The following NR2E3 variants were observed in gnomAD, a reference collection of about 807,000 sequenced individuals.
NR2E3 encodes the protein nuclear receptor subfamily 2 group E member 3, also known as photoreceptor-specific nuclear receptor.
In NR2E3, 38 loss-of-function variants were observed where a neutral mutation model predicts 37.6. The observed-to-expected ratio is 1.01, with a 90% confidence interval of 0.78 to 1.33. The LOEUF (loss-of-function observed/expected upper bound fraction) is 1.33. Ranked by LOEUF, NR2E3 falls within the 40% of genes most tolerant of loss-of-function variation. The pLI is 0.00. For synonymous variants in NR2E3, 235 were observed against 225.1 expected (o/e 1.04, Z -0.39); for missense variants, 562 against 558.7 (o/e 1.01, Z -0.06).
Position 71,810,757 on chromosome 15 carries a change from C to T in NR2E3, c.14C>T (p.Pro5Leu). The T allele has an allele frequency of 3.8e-6, 6 of 1,571,654 alleles. No individual in the cohort carries two copies. The highest frequency in any genetic ancestry group is 5.2e-6 in the Non-Finnish European group (6 of 1,159,092). Residue 5 changes from proline to leucine, a missense_variant, in exon 1 of 8, where the codon CCA (proline) becomes CTA (leucine). By Grantham distance (98) the Pro-to-Leu change is moderately conservative (BLOSUM62 -3). Transcript: ENST00000617575. ...GCCCTGTAACCCATGGAGACCAGACCAACAGCTCTGATGAGCTCCACAGTG... is the reference window on the plus strand; with the variant it reads ...GCCCTGTAACCCATGGAGACCAGACTAACAGCTCTGATGAGCTCCACAGTG... METR[P>L]TALMSSTVAA...
chr15:71,815,098 C>T (rs1301723686), intron 7 of NR2E3, among the ~76,000 whole-genome samples: 5 of 152,104 alleles, frequency 3.3e-5, no homozygotes, highest in Admixed American at 2.0e-4. Context: ...AGTGTGGCTG[C>T]GCGAGGGTGG....
At chr15:71,812,652 C>A in intron 5 of NR2E3, 141 bp downstream of exon 5, 1 of 745,354 alleles carries the variant, frequency 1.3e-6, no homozygotes, top group Admixed American at 3.0e-5. Context: ...GACACACATA[C>A]CTCTGATTCA....
Position 71,813,523 on chromosome 15 carries a change from G to T in NR2E3, c.882G>T (p.Thr294=), listed in dbSNP as rs1805024. ...CCGGTGGTGCCCAGGGCCGGCTCACGCTGGCCAGCATGGAGACGCGTGTCC... is the reference window on the plus strand; with the variant it reads ...CCGGTGGTGCCCAGGGCCGGCTCACTCTGGCCAGCATGGAGACGCGTGTCC... ...SAAGGAQGRL[T]LASMETRVLQ... is the part of the protein sequence containing the mutation. Residue 294 remains threonine (T), a synonymous_variant, in exon 6 of 8, where the codon ACG becomes ACT. Coordinates refer to ENST00000617575, the MANE Select transcript of NR2E3 (RefSeq NM_014249.4). The surrounding 1 kb of genome is among the most constrained non-coding windows in gnomAD (Gnocchi z 4.7). 2 of 1,613,300 alleles carry T rather than the reference G, an allele frequency of 1.2e-6. No individual in the cohort carries two copies. The highest frequency in any genetic ancestry group is 2.7e-5 in the African/African-American group (2 of 74,932).
Position 71,812,048 on chromosome 15 carries a change from C to G in NR2E3, c.443C>G (p.Ala148Gly). The G allele has an allele frequency of 6.4e-7, 1 of 1,553,590 alleles. No individual in the cohort carries two copies. Among genetic ancestry groups the G allele is most frequent in the Non-Finnish European group, 8.7e-7 (1 of 1,148,656 alleles). The change falls in exon 4 of 8, where the codon GCT becomes GGT. Residue 148 changes from alanine (A) to glycine (G), a missense_variant. Transcript: ENST00000617575. ...GAGTCCCGGCCGGAGTCCCTGGTGG[C>G]TCCCCCGGCCCCGGCAGGGCGCAGC... Reference protein sequence around the residue: ...NTESRPESLVAPPAPAGRSPR... With the variant: ...NTESRPESLVGPPAPAGRSPR...
In NR2E3 at chr15:71,813,832, A is replaced by G. The variant is rs2054206393; in HGVS notation, c.995-180A>G. Among the ~76,000 whole-genome samples, 1 of 151,916 alleles carries G rather than the reference A, an allele frequency of 6.6e-6. No homozygotes were observed. The highest frequency in any genetic ancestry group is 1.5e-5 in the Non-Finnish European group (1 of 67,964). Reference sequence around the variant, plus strand: ...CTGTGAGGGGACAGGGCAGGCTGGGAGCCCCTGGGAGACCCTGAGCCCCAG... The same window carrying G: ...CTGTGAGGGGACAGGGCAGGCTGGGGGCCCCTGGGAGACCCTGAGCCCCAG... On this transcript the variant is annotated intron_variant, in intron 6 of 7. Transcript: ENST00000617575. This position sits in a 1 kb window ranked among gnomAD's most constrained non-coding sequence, Gnocchi z 4.7.
rs1392532455 is a variant in NR2E3, at chr15:71,810,782, G to A, written c.39G>A (p.Val13=). 3 of 1,576,362 alleles carry A rather than the reference G, an allele frequency of 1.9e-6. No individual in the cohort carries two copies. The highest frequency in any genetic ancestry group is 2.6e-6 in the Non-Finnish European group (3 of 1,161,802). ...CAACAGCTCTGATGAGCTCCACAGTGGCTGCAGCTGCGCCTGCAGCTGGGG... is the reference window on the plus strand; with the variant it reads ...CAACAGCTCTGATGAGCTCCACAGTAGCTGCAGCTGCGCCTGCAGCTGGGG... ...TRPTALMSST[V]AAAAPAAGAA... is the part of the protein sequence containing the mutation. Residue 13 remains valine (V), a synonymous_variant, in exon 1 of 8, where the codon GTG becomes GTA. Coordinates refer to ENST00000617575, the MANE Select transcript of NR2E3 (RefSeq NM_014249.4).
At chr15:71,812,548 G>T in intron 5 of NR2E3, 37 bp downstream of exon 5, 1 of 1,558,854 alleles carries the variant, frequency 6.4e-7, no homozygotes, top group South Asian at 1.2e-5. Context: ...GCTAGGCTGG[G>T]CTGGGGTCAG....
Position 71,817,923 on chromosome 15 carries a change from A to T in NR2E3, c.*239A>T, listed in dbSNP as rs1481028785. 6.0e-6 allele frequency: 2 copies of T among 334,502 alleles called. No homozygotes were observed. The highest frequency in any genetic ancestry group is 1.1e-5 in the Non-Finnish European group (2 of 182,108). The allele number at this position is 334,502 out of a possible 1,614,324, so 20.7% of individuals were successfully genotyped here. ...TTCATATAATGAAAAATAATTTAAAAAGAATGAATTACGGATACATGTGGC... is the reference window on the plus strand; with the variant it reads ...TTCATATAATGAAAAATAATTTAAATAGAATGAATTACGGATACATGTGGC... On this transcript the variant is annotated 3_prime_UTR_variant, in exon 8 of 8. Transcript: ENST00000617575.
In NR2E3 at chr15:71,811,806, CA is replaced by C; in HGVS notation, c.287del (p.His96ProfsTer10). 6.4e-7 allele frequency: 1 copy of C among 1,551,342 alleles called. No homozygotes were observed. The highest frequency in any genetic ancestry group is 2.4e-5 in the East Asian group (1 of 40,926). ...AGGGATGTGCCCCGTGGACAAGGCC[CA>C]CCGCAACCAGTGCCAGGCCTGCCGG... ...GAGMCPVDKAHRNQCQACRLK... is the reference protein window; with the variant it reads ...GAGMCPVDKAXRNQCQACRLK... On this transcript the variant is annotated frameshift_variant, in exon 3 of 8. Transcript: ENST00000617575. LOFTEE classifies it high-confidence loss of function. The surrounding 1 kb of genome is among the most constrained non-coding windows in gnomAD (Gnocchi z 5.6).
intron 7 of NR2E3, among the ~76,000 whole-genome samples, chr15:71,815,599 G>A (rs1567161385): frequency 6.6e-6 from 1 of 152,104 alleles, no homozygotes. Flanking sequence ...CTTTTATAGC[G>A]GTTCATTGCC....
intron 7 of NR2E3, among the ~76,000 whole-genome samples, chr15:71,816,551 C>T (rs867963064): frequency 1.3e-5 from 2 of 152,156 alleles, no homozygotes; most frequent in Non-Finnish European, 2.9e-5. Context: ...TGAGCCACCA[C>T]GCTCAGCCAG....
rs376037127 is a variant in NR2E3 at position 71,812,295 on chromosome 15, C to T, written c.572-41C>T. ...GCTCCAAGTACTCCCTGCCACCTCC[C>T]GAGAAGCAGGCGCTAAGATCACAAC... On this transcript the variant is annotated intron_variant, in intron 4 of 7. Coordinates refer to ENST00000617575, the MANE Select transcript of NR2E3 (RefSeq NM_014249.4). 57 of 1,613,400 alleles carry T rather than the reference C, an allele frequency of 3.5e-5. No homozygotes were observed. In the South Asian group the frequency reaches 4.7e-4, roughly 13 times the overall value.
intron 7 of NR2E3, chr15:71,814,333 C>T (rs576226582): frequency 2.2e-5 from 30 of 1,340,290 alleles, no homozygotes; most frequent in Middle Eastern, 2.7e-4. Flanking sequence ...TAGAGACAAC[C>T]GGCAGTGACC....
rs536472878 is a variant in NR2E3, at chr15:71,813,369, G to A, written c.748-20G>A. On this transcript the variant is annotated intron_variant, in intron 5 of 7. Transcript: ENST00000617575. This position sits in a 1 kb window ranked among gnomAD's most constrained non-coding sequence, Gnocchi z 4.7. ...AGAAGCTGTGTGTCTGCCATAACAG[G>A]CACCCCTGTCTGAGCACAGGTGATC... 8 of 1,607,560 alleles carry A rather than the reference G, an allele frequency of 5.0e-6. No homozygotes were observed. In the African/African-American group the frequency reaches 9.3e-5, roughly 19 times the overall value.
Position 71,813,751 on chromosome 15 carries a change from G to A in NR2E3, c.994+116G>A, listed in dbSNP as rs2140291465. The A allele has an allele frequency of 6.5e-6, 10 of 1,538,420 alleles. No homozygotes were observed. In the South Asian group the frequency reaches 9.2e-5, roughly 14 times the overall value. ...TGTGTGTAGGCCTCTATCCTGGGGG[G>A]TGGGAGGAGAGTGGTGAGGCTGGAC... On this transcript the variant is annotated intron_variant, in intron 6 of 7. Coordinates refer to ENST00000617575, the MANE Select transcript of NR2E3 (RefSeq NM_014249.4). This position sits in a 1 kb window ranked among gnomAD's most constrained non-coding sequence, Gnocchi z 4.7.
At chr15:71,817,299 CAT>C in intron 7 of NR2E3, among the ~76,000 whole-genome samples, 1 of 152,200 alleles carries the variant, frequency 6.6e-6, no homozygotes, top group South Asian at 2.1e-4. Flanking sequence ...GGGGTTTCAC[CAT>C]GTTAGCCAGG....
Position 71,811,639 on chromosome 15 carries a change from G to C in NR2E3, c.245+30G>C. ...GTGCGGTGGGCCCTGCTGGGCGTCT[G>C]CCCCTGAGGGGTTCTGGAGGGGTGA... On this transcript the variant is annotated intron_variant, in intron 2 of 7. Transcript: ENST00000617575. The surrounding 1 kb of genome is among the most constrained non-coding windows in gnomAD (Gnocchi z 5.6). 6.3e-7 allele frequency: 1 copy of C among 1,595,920 alleles called. No individual in the cohort carries two copies. The highest frequency in any genetic ancestry group is 8.5e-7 in the Non-Finnish European group (1 of 1,171,582).
chr15:71,814,438 T>C (rs1461049913), intron 7 of NR2E3: 1 of 1,107,460 alleles, frequency 9.0e-7, no homozygotes, highest in Non-Finnish European at 1.1e-6. Flanking sequence ...TAAAGCAGAA[T>C]TGGGAGGGAC....
chr15:71,817,023 CTAAAT>C (rs2054231372), intron 7 of NR2E3, among the ~76,000 whole-genome samples: 1 of 151,876 alleles, frequency 6.6e-6, no homozygotes, highest in African/African-American at 2.4e-5. Flanking sequence ...CACTCCTAAA[CTAAAT>C]AGAGGGTGGC....
Sources: gnomAD v4.1 joint callset for allele counts (sites outside exome capture counted in the v4.1 genomes callset) on GRCh38, gnomAD v4.1.1 for gene constraint, Gnocchi (gnomAD v3.1) non-coding constraint, MANE v1.5 for transcripts, NCBI Gene and HGNC (gene_info 2026-07-23, HGNC 2026-07-21) for gene names.